ADAMTS14: variants seen among roughly 807,000 people sequenced by gnomAD.
The protein encoded by ADAMTS14 is ADAM metallopeptidase with thrombospondin type 1 motif 14, also known as A disintegrin and metalloproteinase with thrombospondin motifs 14.
A neutral mutation model predicts 128.6 loss-of-function variants in ADAMTS14; 100 were observed. That is an observed-to-expected ratio of 0.78 (90% confidence interval 0.66 to 0.92). The LOEUF (loss-of-function observed/expected upper bound fraction) is 0.92. ADAMTS14 is among the 40% of genes least tolerant of loss of function. The pLI is 0.00. For missense variants in ADAMTS14, 1,562 were observed against 1,658.6 expected (o/e 0.94, Z 1.01); for synonymous variants, 665 against 653.8 (o/e 1.02, Z -0.26).
chr10:70,712,937 G>C (rs1362657145), intron 4 of ADAMTS14, among the ~76,000 whole-genome samples: 1 of 152,176 alleles, frequency 6.6e-6, no homozygotes. Flanking sequence ...ACAGCAGTGT[G>C]GTGGGATTCT....
chr10:70,705,085 AC>A (rs1362110370), intron 3 of ADAMTS14, among the ~76,000 whole-genome samples: 1 of 152,168 alleles, frequency 6.6e-6, no homozygotes, highest in Non-Finnish European at 1.5e-5. Context: ...TCTCATATAT[AC>A]ACACATCCAT....
chr10:70,700,331 C>T (rs1840456476), intron 2 of ADAMTS14, among the ~76,000 whole-genome samples: 1 of 152,206 alleles, frequency 6.6e-6, no homozygotes. Flanking sequence ...ACCTGGTATG[C>T]TCTTTCCTTC....
intron 5 of ADAMTS14, 137 bp from the exon 6 acceptor site, chr10:70,729,965 A>C: frequency 6.1e-6 from 6 of 990,730 alleles, no homozygotes; most frequent in South Asian, 2.1e-5. Context: ...TTGAGTGGGG[A>C]CAGCTGGTGA....
intron 19 of ADAMTS14, 25 bp from the exon 20 acceptor site, chr10:70,757,937 C>A: frequency 6.3e-7 from 1 of 1,586,656 alleles, no homozygotes; most frequent in Non-Finnish European, 8.6e-7. Context: ...GGCCGCTATG[C>A]CTGGCACTGA....
chr10:70,709,934 G>A (rs1840792858), intron 4 of ADAMTS14, among the ~76,000 whole-genome samples: 1 of 152,232 alleles, frequency 6.6e-6, no homozygotes, highest in African/African-American at 2.4e-5. Flanking sequence ...AGGAGGGAAA[G>A]GAGGGTGAGA....
intron 2 of ADAMTS14, among the ~76,000 whole-genome samples, chr10:70,698,043 A>G (rs1317256471): frequency 1.3e-5 from 2 of 152,216 alleles, no homozygotes; most frequent in Non-Finnish European, 1.5e-5. Flanking sequence ...ATTTGGGGAA[A>G]TTGGACAAGG....
intron 2 of ADAMTS14, among the ~76,000 whole-genome samples, chr10:70,693,102 G>T (rs1344617208): frequency 6.6e-6 from 1 of 152,086 alleles, no homozygotes; most frequent in African/African-American, 2.4e-5. Context: ...AGATGGGGGA[G>T]GTGCCACACA....
At chr10:70,719,435 T>C (rs2132642161) in intron 4 of ADAMTS14, among the ~76,000 whole-genome samples, 1 of 151,776 alleles carries the variant, frequency 6.6e-6, no homozygotes, top group African/African-American at 2.4e-5. Flanking sequence ...AGGGTCTTGC[T>C]TTGTCACCCA....
chr10:70,733,100 T>C (rs1024107228), intron 7 of ADAMTS14, among the ~76,000 whole-genome samples: 8 of 152,164 alleles, frequency 5.3e-5, no homozygotes, highest in Admixed American at 2.6e-4. Context: ...ATCCCAGCTC[T>C]GCTCCTCCAG....
intron 2 of ADAMTS14, among the ~76,000 whole-genome samples, chr10:70,697,324 C>T (rs938484764): frequency 6.6e-6 from 1 of 152,220 alleles, no homozygotes; most frequent in Non-Finnish European, 1.5e-5. Context: ...GACTTAGGAT[C>T]CCCCTTTCCC....
At chr10:70,677,804 C>T (rs1839691966) in intron 2 of ADAMTS14, among the ~76,000 whole-genome samples, 1 of 152,210 alleles carries the variant, frequency 6.6e-6, no homozygotes, top group Admixed American at 6.5e-5. Flanking sequence ...GGAAATGGCC[C>T]TGTGTCCCGT....
intron 4 of ADAMTS14, among the ~76,000 whole-genome samples, chr10:70,723,309 T>G (rs1461238901): frequency 6.6e-6 from 1 of 152,006 alleles, no homozygotes; most frequent in African/African-American, 2.4e-5. Context: ...AGACAGGAAG[T>G]TTAAATGGAA....
chr10:70,681,878 G>A (rs940720373), intron 2 of ADAMTS14, among the ~76,000 whole-genome samples: 17 of 152,218 alleles, frequency 1.1e-4, no homozygotes, highest in Non-Finnish European at 2.5e-4. Context: ...CCAGAGCCCT[G>A]TGTGTGGCCC....
At chr10:70,747,568 A>G (rs1271494336) in intron 15 of ADAMTS14, among the ~76,000 whole-genome samples, 1 of 152,206 alleles carries the variant, frequency 6.6e-6, no homozygotes, top group Non-Finnish European at 1.5e-5. Flanking sequence ...TGATTTCAGA[A>G]CATTAGCAGC....
At position 70,749,425 on chromosome 10, in the gene ADAMTS14, ATGCTC is replaced by A. The variant is rs1189128535; in HGVS notation, c.2264-392_2264-388del. 2.6e-5 allele frequency among the ~76,000 whole-genome samples: 4 copies of A among 152,288 alleles called. No individual in the cohort carries two copies. In the East Asian group the frequency reaches 7.7e-4, roughly 29 times the overall value. On this transcript the variant is annotated intron_variant, in intron 15 of 21. Transcript: ENST00000373207. ...TCCAGAGTCTGTACTCTCAGCCTCT[ATGCTC>A]TGCTATAGAAATTCTAGGGAGGGCA...
chr10:70,721,572 A>T (rs1439372162), intron 4 of ADAMTS14, among the ~76,000 whole-genome samples: 1 of 151,950 alleles, frequency 6.6e-6, no homozygotes, highest in Non-Finnish European at 1.5e-5. Context: ...TATTGTTAGT[A>T]GAGACGGGGT....
At chr10:70,759,129 T>TTTTTTTTTTTTTTTTTTTTTTTG (rs1485675752) in intron 21 of ADAMTS14, among the ~76,000 whole-genome samples, 1 of 112,612 alleles carries the variant, frequency 8.9e-6, no homozygotes, top group South Asian at 2.9e-4. Flanking sequence ...TCCAATCTTC[T>TTTTTTTTTTTTTTTTTTTTTTTG]ACTTCTCTGC....
rs996955815 is a variant in ADAMTS14 at position 70,689,311 on chromosome 10, T to C, written c.523-13001T>C. Among the ~76,000 whole-genome samples the C allele has an allele frequency of 1.4e-5, 2 of 144,706 alleles. 1 individual carries two copies. Among genetic ancestry groups the C allele is most frequent in the Non-Finnish European group, 3.2e-5 (2 of 63,264 alleles). 94.9% of individuals were successfully genotyped at this position (144,706 alleles called of 152,430 possible). A position where few individuals can be genotyped will look rare whatever the true frequency, so the allele number is the denominator to read the frequency against. On this transcript the variant is annotated intron_variant, in intron 2 of 21. Transcript: ENST00000373207. ...TAGCATGGTTTCATTCCAAAGTCAGTTGTGCAGCACCAACCAGTTCATCCC... is the reference window on the plus strand; with the variant it reads ...TAGCATGGTTTCATTCCAAAGTCAGCTGTGCAGCACCAACCAGTTCATCCC...
Position 70,694,395 on chromosome 10 carries a change from G to A in ADAMTS14, c.523-7917G>A, listed in dbSNP as rs1037429112. 2.6e-5 allele frequency among the ~76,000 whole-genome samples: 4 copies of A among 152,034 alleles called. 1 individual carries two copies. In the South Asian group the frequency reaches 8.3e-4, roughly 32 times the overall value. On this transcript the variant is annotated intron_variant, in intron 2 of 21. Coordinates refer to ENST00000373207, the MANE Select transcript of ADAMTS14 (RefSeq NM_080722.4). ...ATATAATTCACATACCACGCAATTC[G>A]CCCATTTAAAATATGCAATTCAGTG...
Sources: allele counts gnomAD v4.1 joint callset (sites outside exome capture counted in the v4.1 genomes callset), GRCh38; gene constraint gnomAD v4.1.1; transcripts MANE v1.5; gene names NCBI Gene and HGNC (gene_info 2026-07-23, HGNC 2026-07-21).